NUP205: variants seen among roughly 807,000 people sequenced by gnomAD.
NUP205 encodes nuclear pore complex protein Nup205.
In NUP205, 76 loss-of-function variants were observed where a neutral mutation model predicts 253.8. That is an observed-to-expected ratio of 0.30 (90% CI 0.25 to 0.36). NUP205 has a LOEUF of 0.36. Among genes scored for constraint, NUP205 ranks in the 10% least tolerant of loss-of-function variants. NUP205 has a pLI of 1.00. For synonymous variants in NUP205, 832 were observed against 850.1 expected (o/e 0.98, Z 0.37); for missense variants, 2,162 against 2,425.5 (o/e 0.89, Z 2.28).
intron 1 of NUP205, among the ~76,000 whole-genome samples, chr7:135,565,166 T>C (rs1004079628): frequency 8.5e-5 from 13 of 152,212 alleles, no homozygotes; most frequent in African/African-American, 2.4e-4. Context: ...ACTAAATATG[T>C]ATAGTACAAG....
At chr7:135,594,518 A>G in intron 12 of NUP205, 29 bp from the exon 13 acceptor site, 1 of 1,532,556 alleles carries the variant, frequency 6.5e-7, no homozygotes, top group Non-Finnish European at 8.8e-7. Context: ...AAAAATGGAA[A>G]GTCTCATTCT....
At chr7:135,647,350 G>C (rs890438370) in intron 42 of NUP205, among the ~76,000 whole-genome samples, 1 of 152,228 alleles carries the variant, frequency 6.6e-6, no homozygotes, top group Non-Finnish European at 1.5e-5. Flanking sequence ...CCAAAGCACA[G>C]CTTGCTGGAT....
At position 135,594,668 on chromosome 7, in the gene NUP205, C is replaced by A. The variant is rs763378695; in HGVS notation, c.1952C>A (p.Ala651Glu). 8.1e-6 allele frequency: 13 copies of A among 1,613,758 alleles called. No homozygotes were observed. In the South Asian group the frequency reaches 1.2e-4, roughly 15 times the overall value. Residue 651 changes from alanine to glutamate, a missense_variant, in exon 13 of 43, where the codon GCA (alanine) becomes GAA (glutamate). Transcript: ENST00000285968. ...AAAGCTGAGCTACTGAAGACACTCG[C>A]AGCTTTTGGAAAATCTCCTGAAATT... Reference protein sequence around the residue: ...VLKAELLKTLAAFGKSPEIAA... With the variant: ...VLKAELLKTLEAFGKSPEIAA...
chr7:135,577,745 C>A, intron 5 of NUP205, 51 bp from the exon 6 acceptor site: 1 of 1,376,160 alleles, frequency 7.3e-7, no homozygotes, highest in Non-Finnish European at 1.0e-6. Flanking sequence ...TGGAATAAGA[C>A]CAGGCTTCAC....
At chr7:135,564,930 C>G (rs1215646561) in intron 1 of NUP205, among the ~76,000 whole-genome samples, 1 of 151,964 alleles carries the variant, frequency 6.6e-6, no homozygotes, top group East Asian at 1.9e-4. Flanking sequence ...CCATGCCTGG[C>G]TACTTTTTAA....
chr7:135,633,805 A>AT (rs1794758788), intron 35 of NUP205, among the ~76,000 whole-genome samples: 1 of 152,198 alleles, frequency 6.6e-6, no homozygotes, highest in Admixed American at 6.5e-5. Context: ...TATCAGAAAT[A>AT]TATGTGCTTA....
At position 135,602,885 on chromosome 7, in the gene NUP205, G is replaced by C; in HGVS notation, c.2593G>C (p.Asp865His). ...TCTGCAAAAGGAAAATCTTTTTATG[G>C]ACCTTCTAAGAGAGAGTCAACTGGC... ...LTLQKENLFM[D>H]LLRESQLALI... The change falls in exon 18 of 43, where the codon GAC (aspartate) becomes CAC (histidine). Residue 865 changes from aspartate (D) to histidine (H), a missense_variant. By Grantham distance (81) the Asp-to-His change is moderately conservative. This residue lies in a region of NUP205 where 892 missense variants were observed against 957.1 expected (regional missense o/e 0.93). Coordinates refer to ENST00000285968, the MANE Select transcript of NUP205 (RefSeq NM_015135.3). 3 of 1,613,688 alleles carry C rather than the reference G, an allele frequency of 1.9e-6. No individual in the cohort carries two copies. Among genetic ancestry groups the C allele is most frequent in the Non-Finnish European group, 2.5e-6 (3 of 1,179,714 alleles).
intron 16 of NUP205, 47 bp downstream of exon 16, chr7:135,601,016 T>A: frequency 5.0e-6 from 5 of 995,440 alleles, no homozygotes; most frequent in Non-Finnish European, 7.7e-6. Flanking sequence ...CTATTTATAA[T>A]TTATAAATTA....
intron 13 of NUP205, among the ~76,000 whole-genome samples, chr7:135,596,502 A>C (rs1793837072): frequency 6.6e-6 from 1 of 152,204 alleles, no homozygotes; most frequent in Non-Finnish European, 1.5e-5. Flanking sequence ...TTGTTTTTAA[A>C]GGATTCTACC....
chr7:135,587,634 G>A lies in NUP205; in HGVS notation c.1278G>A (p.Gln426=), dbSNP rs765422001. 1 of 1,611,716 alleles carries A rather than the reference G, an allele frequency of 6.2e-7. No individual in the cohort carries two copies. The highest frequency in any genetic ancestry group is 8.5e-7 in the Non-Finnish European group (1 of 1,178,952). ...EDARMIHMSM[Q]MGNEPPISLR... is the part of the protein sequence containing the mutation. ...CTCGAATGATTCACATGAGTATGCAGATGGGTAATGAACCCCCCATTTCAC... is the reference window on the plus strand; with the variant it reads ...CTCGAATGATTCACATGAGTATGCAAATGGGTAATGAACCCCCCATTTCAC... The change falls in exon 9 of 43, where the codon CAG becomes CAA. Residue 426 remains glutamine, a synonymous_variant. Coordinates refer to ENST00000285968, the MANE Select transcript of NUP205 (RefSeq NM_015135.3).
intron 10 of NUP205, 96 bp downstream of exon 10, chr7:135,588,088 C>A: frequency 1.0e-6 from 1 of 977,554 alleles, no homozygotes; most frequent in Non-Finnish European, 1.4e-6. Context: ...TTGCTGTTAA[C>A]ACAAATGATC....
In NUP205 at chr7:135,570,788, T is replaced by TATATTAATATATATTAATTATATTAA. The variant is rs35185893; in HGVS notation, c.29-317_29-316insATATTAATATATATTAATTATATTAA. ...TTATATTAATATATATTAATTATAT[T>TATATTAATATATATTAATTATATTAA]TATATATTATATTAATATATATTAA... On this transcript the variant is annotated intron_variant, in intron 1 of 42. Coordinates refer to ENST00000285968, the MANE Select transcript of NUP205 (RefSeq NM_015135.3). Among the ~76,000 whole-genome samples, 3 of 48,962 alleles carry TATATTAATATATATTAATTATATTAA rather than the reference T, an allele frequency of 6.1e-5. 1 individual carries two copies. Among genetic ancestry groups the TATATTAATATATATTAATTATATTAA allele is most frequent in the Non-Finnish European group, 1.1e-4 (3 of 27,292 alleles). 32.1% of individuals were successfully genotyped at this position (48,962 alleles called of 152,430 possible). A position where few individuals can be genotyped will look rare whatever the true frequency, so the allele number is the denominator to read the frequency against.
chr7:135,587,254 G>A lies in NUP205; in HGVS notation c.1219-321G>A, dbSNP rs1409880804. On this transcript the variant is annotated intron_variant, in intron 8 of 42. Coordinates refer to ENST00000285968, the MANE Select transcript of NUP205 (RefSeq NM_015135.3). ...GTAGGTAGTTCCAAGGATGCTAAAT[G>A]TCCTGGAATATTCAGGATAATCCAA... Among the ~76,000 whole-genome samples, 3 of 152,096 alleles carry A rather than the reference G, an allele frequency of 2.0e-5. No homozygotes were observed. In the East Asian group the frequency reaches 5.8e-4, roughly 29 times the overall value.
chr7:135,594,848 A>T, intron 13 of NUP205, 119 bp downstream of exon 13: 2 of 758,250 alleles, frequency 2.6e-6, no homozygotes, highest in South Asian at 3.9e-5. Flanking sequence ...TCCCAACTAG[A>T]GTTACGGTTT....
chr7:135,640,411 A>G (rs959083936), intron 38 of NUP205, among the ~76,000 whole-genome samples: 2 of 152,284 alleles, frequency 1.3e-5, no homozygotes, highest in East Asian at 3.9e-4. Context: ...CTTTTTGGTA[A>G]TTATATAAAG....
At chr7:135,640,973 G>A (rs990407898) in intron 38 of NUP205, among the ~76,000 whole-genome samples, 3 of 152,064 alleles carry the variant, frequency 2.0e-5, no homozygotes, top group Non-Finnish European at 2.9e-5. Flanking sequence ...ACTATGGCAG[G>A]GGGATCACAT....
At chr7:135,624,423 C>T (rs1480740689) in intron 31 of NUP205, among the ~76,000 whole-genome samples, 1 of 152,074 alleles carries the variant, frequency 6.6e-6, no homozygotes, top group East Asian at 1.9e-4. Flanking sequence ...GTCACCCAGG[C>T]TGGAGTGCAG....
chr7:135,629,307 G>T (rs551105497), intron 34 of NUP205, among the ~76,000 whole-genome samples: 1 of 152,204 alleles, frequency 6.6e-6, no homozygotes, highest in South Asian at 2.1e-4. Flanking sequence ...GGTAGAGCTG[G>T]GAGGTCAGGA....
intron 35 of NUP205, among the ~76,000 whole-genome samples, chr7:135,633,544 A>G (rs917340392): frequency 1.3e-5 from 2 of 152,168 alleles, no homozygotes; most frequent in Non-Finnish European, 2.9e-5. Context: ...ACCTCTAGCT[A>G]TATATTTACA....
Sources: gnomAD v4.1 joint callset for allele counts (sites outside exome capture counted in the v4.1 genomes callset) on GRCh38, gnomAD v4.1.1 for gene constraint, gnomAD v4.1.1 regional missense constraint, MANE v1.5 for transcripts, NCBI Gene and HGNC (gene_info 2026-07-23, HGNC 2026-07-21) for gene names.